KIAA0825: variants seen among roughly 807,000 people sequenced by gnomAD.
The protein encoded by KIAA0825 is KIAA0825.
In KIAA0825, 119 loss-of-function variants were observed where a neutral mutation model predicts 147.6. The observed-to-expected ratio is 0.81, with a 90% confidence interval of 0.69 to 0.94. The LOEUF (loss-of-function observed/expected upper bound fraction) is 0.94. Among genes scored for constraint, KIAA0825 ranks in the 40% least tolerant of loss-of-function variants. The probability of loss-of-function intolerance (pLI) is 0.00; values close to 1 mark genes in which losing one functional copy is unlikely to be tolerated. For missense variants in KIAA0825, 1,381 were observed against 1,472.7 expected, an observed-to-expected ratio of 0.94 and a Z score of 1.02; for synonymous variants, 470 against 518.1, an observed-to-expected ratio of 0.91 and a Z score of 1.26.
chr5:94,275,715 C>G (rs183738016), intron 20 of KIAA0825, among the ~76,000 whole-genome samples: 40 of 152,264 alleles, frequency 2.6e-4, no homozygotes, highest in African/African-American at 9.4e-4. Context: ...CATGTTGTCT[C>G]TCTATGGGTT....
Position 94,386,282 on chromosome 5 carries a change from A to G in KIAA0825, c.3579T>C (p.His1193=), listed in dbSNP as rs1749129099. ...TGTTTTCACTAAACGCCTTATACAC[A>G]TGGAAAGGGTTAAAGGCAGAAGGCT... ...EDQPSAFNPF[H]VYKAFSENML... The change falls in exon 19 of 21, where the codon CAT becomes CAC. Residue 1193 remains histidine (H), a synonymous_variant. Coordinates refer to ENST00000682413, the MANE Select transcript of KIAA0825 (RefSeq NM_001145678.3). 4 of 1,551,234 alleles carry G rather than the reference A, an allele frequency of 2.6e-6. No homozygotes were observed. In the South Asian group the frequency reaches 4.8e-5, roughly 18 times the overall value.
chr5:94,191,196 C>A (rs1026094187), intron 20 of KIAA0825, among the ~76,000 whole-genome samples: 1 of 152,010 alleles, frequency 6.6e-6, no homozygotes, highest in South Asian at 2.1e-4. Flanking sequence ...AATTGTATTA[C>A]CAGCTAAAAG....
At chr5:94,175,439 C>G (rs1374143538) in intron 20 of KIAA0825, among the ~76,000 whole-genome samples, 1 of 152,132 alleles carries the variant, frequency 6.6e-6, no homozygotes, top group African/African-American at 2.4e-5. Context: ...CTGACAGTTC[C>G]AGAGCTTTTT....
At chr5:94,570,989 C>T (rs1394503297) in intron 2 of KIAA0825, among the ~76,000 whole-genome samples, 2 of 152,142 alleles carry the variant, frequency 1.3e-5, no homozygotes, top group African/African-American at 4.8e-5. Context: ...AGGCTGTTTA[C>T]CTTGTATATG....
At chr5:94,302,577 T>TTCTCA (rs1294937243) in intron 20 of KIAA0825, among the ~76,000 whole-genome samples, 1 of 152,168 alleles carries the variant, frequency 6.6e-6, no homozygotes, top group Non-Finnish European at 1.5e-5. Flanking sequence ...AAAAATCCAT[T>TTCTCA]TCTCATCTGG....
chr5:94,202,487 A>C (rs767570276), intron 20 of KIAA0825, among the ~76,000 whole-genome samples: 2 of 152,206 alleles, frequency 1.3e-5, no homozygotes, highest in Admixed American at 1.3e-4. Flanking sequence ...TGCCAATGTC[A>C]GGGAACTGGC....
At chr5:94,307,275 T>C (rs1778803975) in intron 20 of KIAA0825, among the ~76,000 whole-genome samples, 2 of 151,834 alleles carry the variant, frequency 1.3e-5, no homozygotes, top group Admixed American at 6.6e-5. Context: ...ACTACATTGC[T>C]TCTTCCCTTG....
At chr5:94,174,482 T>C (rs1407548793) in intron 20 of KIAA0825, among the ~76,000 whole-genome samples, 1 of 152,188 alleles carries the variant, frequency 6.6e-6, no homozygotes, top group African/African-American at 2.4e-5. Context: ...ATTACATTTG[T>C]TGATGTGGCA....
chr5:94,393,002 G>A (rs1304005010), intron 17 of KIAA0825, among the ~76,000 whole-genome samples: 2 of 151,384 alleles, frequency 1.3e-5, no homozygotes, highest in Non-Finnish European at 2.9e-5. Context: ...AAAAATTCTT[G>A]TCGGGTTTTG....
chr5:94,539,000 C>T (rs775145994), intron 2 of KIAA0825, among the ~76,000 whole-genome samples: 11 of 152,174 alleles, frequency 7.2e-5, no homozygotes, highest in Non-Finnish European at 1.5e-4. Flanking sequence ...GGACTTCATT[C>T]CCAGATGGTT....
chr5:94,220,737 T>C (rs2150063416), intron 20 of KIAA0825, among the ~76,000 whole-genome samples: 1 of 152,324 alleles, frequency 6.6e-6, no homozygotes, highest in East Asian at 1.9e-4. Flanking sequence ...AAACAAATCC[T>C]GTGAATCCTG....
intron 20 of KIAA0825, among the ~76,000 whole-genome samples, chr5:94,356,940 G>A (rs1229044806): frequency 6.6e-6 from 1 of 151,790 alleles, no homozygotes; most frequent in African/African-American, 2.4e-5. Context: ...GGCCAGTATG[G>A]TCTCAATCTC....
intron 3 of KIAA0825, among the ~76,000 whole-genome samples, chr5:94,535,672 C>G (rs944004184): frequency 1.3e-5 from 2 of 152,088 alleles, no homozygotes; most frequent in Non-Finnish European, 2.9e-5. Flanking sequence ...ATGCAAGCAT[C>G]AAGGGAGATA....
intron 6 of KIAA0825, among the ~76,000 whole-genome samples, chr5:94,478,204 G>A: frequency 6.6e-6 from 1 of 152,048 alleles, no homozygotes; most frequent in Admixed American, 6.6e-5. Flanking sequence ...GAAGTGTTTT[G>A]TTCTGATGTT....
chr5:94,465,673 A>T (rs2150966772), intron 10 of KIAA0825, among the ~76,000 whole-genome samples: 1 of 152,348 alleles, frequency 6.6e-6, no homozygotes, highest in East Asian at 1.9e-4. Flanking sequence ...CTGAGTTTAC[A>T]AGATTTTCTA....
At chr5:94,467,183 A>C (rs1267878744) in intron 10 of KIAA0825, among the ~76,000 whole-genome samples, 1 of 152,238 alleles carries the variant, frequency 6.6e-6, no homozygotes, top group East Asian at 1.9e-4. Flanking sequence ...AAAATATTTC[A>C]AACAGGTCTT....
intron 20 of KIAA0825, among the ~76,000 whole-genome samples, chr5:94,277,625 G>A (rs1777278609): frequency 6.6e-6 from 1 of 152,204 alleles, no homozygotes; most frequent in African/African-American, 2.4e-5. Context: ...TGGAGAGGAT[G>A]TGGAGAAATA....
At chr5:94,340,249 C>A (rs775781823) in intron 20 of KIAA0825, among the ~76,000 whole-genome samples, 17 of 151,998 alleles carry the variant, frequency 1.1e-4, no homozygotes, top group Non-Finnish European at 1.5e-4. Context: ...ATACCTAATA[C>A]AATGTAAGTG....
At chr5:94,615,907 T>C (rs1030950985) in intron 1 of KIAA0825, among the ~76,000 whole-genome samples, 1 of 152,104 alleles carries the variant, frequency 6.6e-6, no homozygotes, top group Non-Finnish European at 1.5e-5. Flanking sequence ...CTGTGACCTA[T>C]GTTTATTTAT....
Sources: gnomAD v4.1 joint callset for allele counts (sites outside exome capture counted in the v4.1 genomes callset) on GRCh38, gnomAD v4.1.1 for gene constraint, MANE v1.5 for transcripts, NCBI Gene and HGNC (gene_info 2026-07-23, HGNC 2026-07-21) for gene names.